CNTNAP2: variants seen among roughly 807,000 people sequenced by gnomAD.
CNTNAP2 encodes contactin-associated protein-like 2.
A neutral mutation model predicts 155.2 loss-of-function variants in CNTNAP2; 98 were observed. That is an observed-to-expected ratio of 0.63 (90% CI 0.54 to 0.75). CNTNAP2 has a LOEUF of 0.75. CNTNAP2 is among the 30% of genes least tolerant of loss of function. CNTNAP2 has a pLI of 0.00. For missense variants in CNTNAP2, 1,727 were observed against 1,688.1 expected (o/e 1.02, Z -0.40); for synonymous variants, 651 against 631.2 (o/e 1.03, Z -0.47).
At chr7:147,943,284 C>A (rs2116818151) in intron 14 of CNTNAP2, among the ~76,000 whole-genome samples, 1 of 152,142 alleles carries the variant, frequency 6.6e-6, no homozygotes, top group East Asian at 1.9e-4. Flanking sequence ...TGTTGGCACA[C>A]ACGGCATTTT....
rs143684121 is a variant in CNTNAP2, at chr7:147,209,795, G to C, written c.1348+77286G>C. The stretch of plus-strand genomic sequence containing the variant: ...TATGTTGAGGGTTTCTATCATGAAG[G>C]GATGTTGAATTTTATTATAAACTTT... On this transcript the variant is annotated intron_variant, in intron 8 of 23. Coordinates refer to ENST00000361727, the MANE Select transcript of CNTNAP2 (RefSeq NM_014141.6). Among the ~76,000 whole-genome samples the C allele has an allele frequency of 2.9e-3, 443 of 151,986 alleles. 1 individual carries two copies. The highest frequency in any genetic ancestry group is 0.01 in the African/African-American group (420 of 41,502).
At chr7:148,060,083 A>T (rs961835451) in intron 15 of CNTNAP2, among the ~76,000 whole-genome samples, 1 of 152,152 alleles carries the variant, frequency 6.6e-6, no homozygotes, top group Non-Finnish European at 1.5e-5. Context: ...CATAACACTC[A>T]TTTTGACTAT....
intron 20 of CNTNAP2, among the ~76,000 whole-genome samples, chr7:148,249,250 C>T (rs1796325887): frequency 6.6e-6 from 1 of 152,214 alleles, no homozygotes; most frequent in Non-Finnish European, 1.5e-5. Flanking sequence ...ACCAAACCCA[C>T]TGGCTACTTC....
At chr7:147,919,624 A>G (rs1477024482) in intron 14 of CNTNAP2, among the ~76,000 whole-genome samples, 2 of 150,962 alleles carry the variant, frequency 1.3e-5, no homozygotes, top group African/African-American at 4.9e-5. Flanking sequence ...ACGCCTGGCT[A>G]ATTTTTTGTA....
intron 10 of CNTNAP2, among the ~76,000 whole-genome samples, chr7:147,425,372 C>T (rs1180623759): frequency 1.3e-5 from 2 of 152,072 alleles, no homozygotes; most frequent in Non-Finnish European, 1.5e-5. Flanking sequence ...GCTTTACTTA[C>T]AGCCTCTCTC....
chr7:146,562,586 C>A (rs1798296769), intron 1 of CNTNAP2, among the ~76,000 whole-genome samples: 1 of 152,032 alleles, frequency 6.6e-6, no homozygotes, highest in Non-Finnish European at 1.5e-5. Flanking sequence ...TAAGACTGGG[C>A]TTTGTCTCAA....
chr7:147,807,189 G>A (rs1454783274), intron 13 of CNTNAP2, among the ~76,000 whole-genome samples: 1 of 151,450 alleles, frequency 6.6e-6, no homozygotes, highest in Non-Finnish European at 1.5e-5. Context: ...TTGGCATGAG[G>A]GTGTATGCCT....
chr7:147,551,158 TGTTAGCTCAG>T (rs1380196431), intron 11 of CNTNAP2, among the ~76,000 whole-genome samples: 4 of 152,210 alleles, frequency 2.6e-5, no homozygotes, highest in African/African-American at 9.6e-5. Context: ...AGGTTTCTCC[TGTTAGCTCAG>T]GTATATCATT....
intron 1 of CNTNAP2, among the ~76,000 whole-genome samples, chr7:146,556,790 T>A (rs1355717762): frequency 6.6e-6 from 1 of 151,264 alleles, no homozygotes; most frequent in Non-Finnish European, 1.5e-5. Context: ...TGAAAAGAGT[T>A]AGTGAAATCT....
At chr7:147,783,237 A>G (rs1437124871) in intron 13 of CNTNAP2, among the ~76,000 whole-genome samples, 1 of 152,246 alleles carries the variant, frequency 6.6e-6, no homozygotes, top group Non-Finnish European at 1.5e-5. Flanking sequence ...TAGCGAGTTC[A>G]TAAAATTATA....
At chr7:147,564,941 G>C (rs1472306627) in intron 12 of CNTNAP2, among the ~76,000 whole-genome samples, 1 of 152,090 alleles carries the variant, frequency 6.6e-6, no homozygotes, top group African/African-American at 2.4e-5. Context: ...TCAGTTCTTT[G>C]CCACTAACCA....
At position 147,667,349 on chromosome 7, in the gene CNTNAP2, G is replaced by T. The variant is rs560843090; in HGVS notation, c.2098+28043G>T. ...TTAAAGCACTATTATCCCTAAGGGG[G>T]CCAAGTCAATGCTGGATGTCAGGTT... On this transcript the variant is annotated intron_variant, in intron 13 of 23. Coordinates refer to ENST00000361727, the MANE Select transcript of CNTNAP2 (RefSeq NM_014141.6). 2.6e-5 allele frequency among the ~76,000 whole-genome samples: 4 copies of T among 152,274 alleles called. No homozygotes were observed. In the South Asian group the frequency reaches 8.3e-4, roughly 32 times the overall value.
intron 1 of CNTNAP2, among the ~76,000 whole-genome samples, chr7:146,398,776 A>G (rs1418431354): frequency 1.3e-5 from 2 of 152,034 alleles, no homozygotes; most frequent in African/African-American, 2.4e-5. Flanking sequence ...AAATATATAT[A>G]TATTTATTTG....
chr7:147,644,458 T>G (rs554995373), intron 13 of CNTNAP2, among the ~76,000 whole-genome samples: 1 of 152,208 alleles, frequency 6.6e-6, no homozygotes, highest in South Asian at 2.1e-4. Flanking sequence ...CCGTCTCTAC[T>G]AAAAATACAG....
intron 3 of CNTNAP2, among the ~76,000 whole-genome samples, chr7:146,969,792 C>T (rs1214760200): frequency 2.6e-5 from 4 of 152,106 alleles, no homozygotes; most frequent in African/African-American, 9.7e-5. Flanking sequence ...AGGTATCACG[C>T]TACCTGACTT....
intron 12 of CNTNAP2, among the ~76,000 whole-genome samples, chr7:147,584,122 T>G (rs554723468): frequency 4.6e-5 from 7 of 152,248 alleles, no homozygotes; most frequent in African/African-American, 1.7e-4. Context: ...GAGAAGAAAT[T>G]TGGGGAATGG....
chr7:146,497,914 A>AAAT (rs1177072288), intron 1 of CNTNAP2, among the ~76,000 whole-genome samples: 1 of 111,594 alleles, frequency 9.0e-6, no homozygotes, highest in Non-Finnish European at 1.7e-5. Flanking sequence ...AACATATATA[A>AAAT]ACATATATTC....
At chr7:147,770,443 A>C (rs1316671769) in intron 13 of CNTNAP2, among the ~76,000 whole-genome samples, 1 of 152,242 alleles carries the variant, frequency 6.6e-6, no homozygotes, top group African/African-American at 2.4e-5. Context: ...AAACTAAAAA[A>C]GTCATTATAG....
At chr7:148,184,558 T>G (rs1021677896) in intron 18 of CNTNAP2, among the ~76,000 whole-genome samples, 19 of 152,368 alleles carry the variant, frequency 1.2e-4, no homozygotes, top group African/African-American at 4.6e-4. Flanking sequence ...CTTATGTGAA[T>G]CATTTCTCAG....
Sources: allele counts gnomAD v4.1 joint callset (sites outside exome capture counted in the v4.1 genomes callset), GRCh38; gene constraint gnomAD v4.1.1; transcripts MANE v1.5; gene names NCBI Gene and HGNC (gene_info 2026-07-23, HGNC 2026-07-21).